The following INTS10 variants were observed in gnomAD, a reference collection of about 807,000 sequenced individuals.
INTS10 encodes integrator complex subunit 10, also known as chromosome 8 open reading frame 35.
INTS10 carries 44 observed loss-of-function variants against 94.4 expected under a neutral mutation model. The observed-to-expected ratio is 0.47, with a 90% CI of 0.37 to 0.60. The LOEUF (loss-of-function observed/expected upper bound fraction) is 0.60, where lower values mean the gene tolerates loss of function less well. Ranked by LOEUF, INTS10 falls within the 20% of genes least tolerant of loss-of-function variation. The probability of loss-of-function intolerance (pLI) is 0.00; values close to 1 mark genes in which losing one functional copy is unlikely to be tolerated. For missense variants in INTS10, 797 were observed against 868.7 expected, an observed-to-expected ratio of 0.92 and a Z score of 1.04; for synonymous variants, 341 against 320.7, an observed-to-expected ratio of 1.06 and a Z score of -0.68.
In INTS10 at chr8:19,846,119, T is replaced by A. The variant is rs2068562698; in HGVS notation, c.1976+322T>A. Among the ~76,000 whole-genome samples, 1 of 152,084 alleles carries A rather than the reference T, an allele frequency of 6.6e-6. No homozygotes were observed. The highest frequency in any genetic ancestry group is 2.4e-5 in the African/African-American group (1 of 41,414). ...AGTTTCTGATTAGTCACAGAGTGCC[T>A]TTAATTAAGAACAGTTGTGTGGCCA... On this transcript the variant is annotated intron_variant, in intron 16 of 16. Coordinates refer to ENST00000397977, the MANE Select transcript of INTS10 (RefSeq NM_018142.4). This position sits in a 1 kb window ranked among gnomAD's most constrained non-coding sequence, Gnocchi z 4.2.
intron 16 of INTS10, among the ~76,000 whole-genome samples, chr8:19,850,182 T>C (rs1291864140): frequency 6.6e-6 from 1 of 151,742 alleles, no homozygotes; most frequent in Admixed American, 6.6e-5. Context: ...GTTTGCCCTT[T>C]AGCTAACTGT....
At chr8:19,850,486 AT>A (rs36125539) in intron 16 of INTS10, among the ~76,000 whole-genome samples, 61,004 of 150,754 alleles carry the variant, frequency 0.4, 12,443 homozygotes, top group African/African-American at 0.48. Context: ...ACAAAGCTGG[AT>A]TTTTTTTTTC....
intron 12 of INTS10, among the ~76,000 whole-genome samples, chr8:19,834,405 A>G (rs2067488761): frequency 6.6e-6 from 1 of 152,218 alleles, no homozygotes; most frequent in East Asian, 1.9e-4. Flanking sequence ...ATGCTTTTCC[A>G]CCATTATTTA....
At chr8:19,821,732 T>G (rs907904761) in intron 4 of INTS10, 9 of 152,346 alleles carry the variant, frequency 5.9e-5, no homozygotes, top group Non-Finnish European at 1.2e-4. Context: ...TGAGGTCACA[T>G]TCTGAGGTTC....
chr8:19,826,422 T>G lies in INTS10; in HGVS notation c.1007-4T>G. On this transcript the variant is annotated splice_region_variant and splice_polypyrimidine_tract_variant and intron_variant, in intron 8 of 16. Transcript: ENST00000397977. ...TAAGTGTTGGTGTTTTTCCCCGTCC[T>G]TAGGTCCTAATGCCCCGAGCCAAGT... The G allele has an allele frequency of 6.2e-7, 1 of 1,607,120 alleles. No individual in the cohort carries two copies. The highest frequency in any genetic ancestry group is 1.7e-5 in the Admixed American group (1 of 58,188).
At position 19,837,130 on chromosome 8, in the gene INTS10, C is replaced by A; in HGVS notation, c.1609C>A (p.Pro537Thr). The change falls in exon 13 of 17, where the codon CCC becomes ACC. Residue 537 changes from proline (P) to threonine (T), a missense_variant. By Grantham distance (38) the Pro-to-Thr change is conservative. Transcript: ENST00000397977. The part of the protein sequence containing the change: ...IQDGGKSQEE[P>T]SKVKPKFRKG... ...AGATGGAGGCAAATCCCAGGAGGAACCCTCGAAAGTAAAGCCCAAATTTAG... is the reference window on the plus strand; with the variant it reads ...AGATGGAGGCAAATCCCAGGAGGAAACCTCGAAAGTAAAGCCCAAATTTAG... 1.2e-6 allele frequency: 2 copies of A among 1,612,374 alleles called. No homozygotes were observed. Among genetic ancestry groups the A allele is most frequent in the Non-Finnish European group, 1.7e-6 (2 of 1,178,408 alleles).
At chr8:19,842,521 A>G (rs2068210858) in intron 13 of INTS10, among the ~76,000 whole-genome samples, 1 of 152,216 alleles carries the variant, frequency 6.6e-6, no homozygotes, top group Non-Finnish European at 1.5e-5. Context: ...GTTTAAAATT[A>G]AGATATTAAC....
At position 19,833,333 on chromosome 8, in the gene INTS10, A is replaced by T; in HGVS notation, c.1530+12A>T. 1 of 1,559,006 alleles carries T rather than the reference A, an allele frequency of 6.4e-7. No homozygotes were observed. Among genetic ancestry groups the T allele is most frequent in the Non-Finnish European group, 8.7e-7 (1 of 1,153,688 alleles). The stretch of plus-strand genomic sequence containing the variant: ...TAGGGGAGTACAGAGTGAGTACTGC[A>T]CACATACATGCCTGCCGCAGGTGCA... On this transcript the variant is annotated intron_variant, in intron 12 of 16. Transcript: ENST00000397977.
At position 19,826,445 on chromosome 8, in the gene INTS10, A is replaced by G. The variant is rs761217479; in HGVS notation, c.1026A>G (p.Gln342=). 7 of 1,611,936 alleles carry G rather than the reference A, an allele frequency of 4.3e-6. No homozygotes were observed. The highest frequency in any genetic ancestry group is 3.3e-5 in the South Asian group (3 of 90,534). ...CCTTAGGTCCTAATGCCCCGAGCCAAGTTCCACTGGTTCTTCTTGAAGATG... is the reference window on the plus strand; with the variant it reads ...CCTTAGGTCCTAATGCCCCGAGCCAGGTTCCACTGGTTCTTCTTGAAGATG... ...SLFQGPNAPS[Q]VPLVLLEDVS... is the part of the protein sequence containing the mutation. Residue 342 remains glutamine, a synonymous_variant, in exon 9 of 17, where the codon CAA becomes CAG. Coordinates refer to ENST00000397977, the MANE Select transcript of INTS10 (RefSeq NM_018142.4).
chr8:19,836,595 T>G (rs539839452), intron 12 of INTS10, among the ~76,000 whole-genome samples: 15 of 152,362 alleles, frequency 9.8e-5, no homozygotes, highest in Admixed American at 1.3e-4. Flanking sequence ...CCTTCCTGCC[T>G]GAAGCTTTTC....
intron 10 of INTS10, among the ~76,000 whole-genome samples, chr8:19,831,546 C>T (rs2067227013): frequency 6.6e-6 from 1 of 152,022 alleles, no homozygotes; most frequent in Non-Finnish European, 1.5e-5. Flanking sequence ...AAAACTTAGC[C>T]AAGAGTGATG....
chr8:19,827,285 T>C (rs1478946220), intron 9 of INTS10, among the ~76,000 whole-genome samples: 1 of 152,212 alleles, frequency 6.6e-6, no homozygotes, highest in East Asian at 1.9e-4. Context: ...TCTGCCTGGC[T>C]AGGTCCTTGT....
chr8:19,844,325 A>G (rs2068394706), intron 15 of INTS10, 87 bp downstream of exon 15: 1 of 996,958 alleles, frequency 1.0e-6, no homozygotes, highest in Admixed American at 2.7e-5. Flanking sequence ...CATTCTGGAT[A>G]GAAATAATGA....
chr8:19,817,845 T>G (rs1404434803), intron 1 of INTS10, among the ~76,000 whole-genome samples, 179 bp downstream of exon 1: 1 of 119,506 alleles, frequency 8.4e-6, no homozygotes, highest in African/African-American at 3.2e-5. Flanking sequence ...CTCCTACACC[T>G]TTCACCCGCC....
intron 8 of INTS10, 22 bp downstream of exon 8, chr8:19,824,994 T>C (rs1382771424): frequency 6.2e-7 from 1 of 1,607,214 alleles, no homozygotes; most frequent in African/African-American, 1.3e-5. Flanking sequence ...AATTTTAGAG[T>C]GTCCAAAAAG....
At position 19,833,210 on chromosome 8, in the gene INTS10, AG is replaced by A; in HGVS notation, c.1420del (p.Ala474LeufsTer33). 6.2e-7 allele frequency: 1 copy of A among 1,611,868 alleles called. No individual in the cohort carries two copies. The highest frequency in any genetic ancestry group is 8.5e-7 in the Non-Finnish European group (1 of 1,178,994). On this transcript the variant is annotated frameshift_variant, in exon 12 of 17. Coordinates refer to ENST00000397977, the MANE Select transcript of INTS10 (RefSeq NM_018142.4). LOFTEE classifies it high-confidence loss of function. ...CGATAGCCAGCCTGCATCACTTAGC[AG>A]CTCTCCAGGGATCCATTTCTCAGCC... ...KAIASLHHLAALQGSISQPQI... is the reference protein window; with the variant it reads ...KAIASLHHLAXLQGSISQPQI...
chr8:19,834,006 CAAAA>C (rs11428734), intron 12 of INTS10, among the ~76,000 whole-genome samples: 1 of 110,396 alleles, frequency 9.1e-6, no homozygotes, highest in Non-Finnish European at 1.9e-5. Flanking sequence ...GACTCTGTCT[CAAAA>C]AAAAAAAAAA....
chr8:19,838,612 A>C (rs1207336638), intron 13 of INTS10, among the ~76,000 whole-genome samples: 3 of 152,208 alleles, frequency 2.0e-5, no homozygotes, highest in African/African-American at 7.2e-5. Context: ...CCTGATAGTA[A>C]AACCAAACAA....
At chr8:19,824,616 A>C (rs1234487110) in intron 7 of INTS10, 187 bp from the exon 8 acceptor site, 4 of 504,080 alleles carry the variant, frequency 7.9e-6, no homozygotes, top group Non-Finnish European at 1.0e-5. Flanking sequence ...TGTTTGTGTC[A>C]TGAAATCTTG....
Sources: allele counts gnomAD v4.1 joint callset (sites outside exome capture counted in the v4.1 genomes callset), GRCh38; gene constraint gnomAD v4.1.1; non-coding constraint Gnocchi (gnomAD v3.1); transcripts MANE v1.5; gene names NCBI Gene and HGNC (gene_info 2026-07-23, HGNC 2026-07-21).